CENPW: variants seen among roughly 807,000 people sequenced by gnomAD.
CENPW encodes cancer-up-regulated gene 2 protein.
A neutral mutation model predicts 11.1 loss-of-function variants in CENPW; 3 were observed. The observed-to-expected ratio is 0.27, with a 90% confidence interval of 0.12 to 0.70. The LOEUF (loss-of-function observed/expected upper bound fraction) is 0.70. Ranked by LOEUF, CENPW falls within the 30% of genes least tolerant of loss-of-function variation. The pLI is 0.77. For synonymous variants in CENPW, 38 were observed against 42.0 expected, an observed-to-expected ratio of 0.91 and a Z score of 0.37; for missense variants, 100 against 105.6, an observed-to-expected ratio of 0.95 and a Z score of 0.23.
At chr6:126,467,374 C>A in the CENPW span, among the ~76,000 whole-genome samples, 1 of 152,064 alleles carries the variant, frequency 6.6e-6, no homozygotes, top group African/African-American at 2.4e-5. Context: ...ACAAAGCTAA[C>A]AAAATCAAGC....
the CENPW span, among the ~76,000 whole-genome samples, chr6:126,412,764 T>A: frequency 6.6e-6 from 1 of 152,186 alleles, no homozygotes; most frequent in African/African-American, 2.4e-5. Context: ...AAATTCTTTT[T>A]TCCTACCTTT....
At chr6:126,451,097 A>G in the CENPW span, among the ~76,000 whole-genome samples, 1 of 151,030 alleles carries the variant, frequency 6.6e-6, no homozygotes, top group Non-Finnish European at 1.5e-5. Flanking sequence ...TTAAGGGAAT[A>G]GTGCACCAAC....
the CENPW span, among the ~76,000 whole-genome samples, chr6:126,465,335 G>C: frequency 6.6e-6 from 1 of 151,926 alleles, no homozygotes; most frequent in Non-Finnish European, 1.5e-5. Context: ...TGAATCACCT[G>C]TACCTTTGAA....
At chr6:126,421,650 A>AT in the CENPW span, among the ~76,000 whole-genome samples, 16 of 148,068 alleles carry the variant, frequency 1.1e-4, no homozygotes, top group African/African-American at 3.5e-4. Flanking sequence ...AATTACTTCC[A>AT]TTTTTTCCCC....
chr6:126,348,831 T>A lies in CENPW; in HGVS notation c.*339T>A, dbSNP rs138868583. The stretch of plus-strand genomic sequence containing the variant: ...TCTTAGAATTAAGTTTATATATATT[T>A]AGATTTAGCCACAGTTAACTATGGA... On this transcript the variant is annotated 3_prime_UTR_variant, in exon 3 of 3. Transcript: ENST00000368328. 9.1e-3 allele frequency: 1,519 copies of A among 166,426 alleles called. 17 individuals carry two copies. The highest frequency in any genetic ancestry group is 0.037 in the South Asian group (194 of 5,282). 10.3% of individuals were successfully genotyped at this position (166,426 alleles called of 1,614,324 possible). A position where few individuals can be genotyped will look rare whatever the true frequency, so the allele number is the denominator to read the frequency against.
At chr6:126,478,491 G>C in the CENPW span, among the ~76,000 whole-genome samples, 247 of 151,868 alleles carry the variant, frequency 1.6e-3, no homozygotes, top group African/African-American at 5.5e-3. Flanking sequence ...CCAACACATA[G>C]AGAAAGCTGA....
the CENPW span, among the ~76,000 whole-genome samples, chr6:126,381,683 G>A: frequency 6.6e-6 from 1 of 152,162 alleles, no homozygotes; most frequent in African/African-American, 2.4e-5. Flanking sequence ...CTGCTGACAC[G>A]TGAATAAATA....
chr6:126,447,861 A>C, the CENPW span, among the ~76,000 whole-genome samples: 1 of 151,176 alleles, frequency 6.6e-6, no homozygotes, highest in Non-Finnish European at 1.5e-5. Context: ...TCCTGTTCCT[A>C]TGTGTTTACA....
At chr6:126,452,535 G>T in the CENPW span, among the ~76,000 whole-genome samples, 3 of 151,000 alleles carry the variant, frequency 2.0e-5, no homozygotes, top group Non-Finnish European at 3.0e-5. Flanking sequence ...AAAGATGACA[G>T]ATGAGAGTAA....
At chr6:126,340,525 C>T in intron 1 of CENPW, 126 bp downstream of exon 1, 1 of 1,368,134 alleles carries the variant, frequency 7.3e-7, no homozygotes. Flanking sequence ...TAAGGCAGTT[C>T]CAACAATGAC....
At chr6:126,397,689 A>G in the CENPW span, among the ~76,000 whole-genome samples, 1 of 152,170 alleles carries the variant, frequency 6.6e-6, no homozygotes, top group East Asian at 1.9e-4. Context: ...ACAAATACAC[A>G]CATGCTTATA....
rs370029661 is a variant in CENPW, at chr6:126,348,258, A to G, written c.241-208A>G. ...TAGAATCTAGGCATGTTTCATATTCATTGAGATAAGACTGTTTTTAGAGAA... is the reference window on the plus strand; with the variant it reads ...TAGAATCTAGGCATGTTTCATATTCGTTGAGATAAGACTGTTTTTAGAGAA... On this transcript the variant is annotated intron_variant, in intron 2 of 2. Transcript: ENST00000368328. Among the ~76,000 whole-genome samples, 85 of 152,108 alleles carry G rather than the reference A, an allele frequency of 5.6e-4. 1 individual carries two copies. In the East Asian group the frequency reaches 0.011, roughly 20 times the overall value.
chr6:126,461,648 G>A, the CENPW span, among the ~76,000 whole-genome samples: 17 of 151,692 alleles, frequency 1.1e-4, no homozygotes, highest in Admixed American at 4.6e-4. Context: ...TACATAATAC[G>A]TTCCAGTGTC....
At chr6:126,391,749 T>C in the CENPW span, among the ~76,000 whole-genome samples, 2 of 151,980 alleles carry the variant, frequency 1.3e-5, no homozygotes, top group African/African-American at 4.8e-5. Flanking sequence ...AGTGTATGTT[T>C]TTGGCACCTT....
At chr6:126,472,077 T>C in the CENPW span, among the ~76,000 whole-genome samples, 1 of 152,330 alleles carries the variant, frequency 6.6e-6, no homozygotes, top group Admixed American at 6.5e-5. Context: ...GAACCTATCA[T>C]AAAGCTTCAA....
the CENPW span, among the ~76,000 whole-genome samples, chr6:126,368,637 T>C: frequency 1.3e-5 from 2 of 151,456 alleles, no homozygotes; most frequent in Non-Finnish European, 2.9e-5. Flanking sequence ...GTGTACACCA[T>C]ACCCAATGTG....
At chr6:126,411,510 A>T in the CENPW span, among the ~76,000 whole-genome samples, 1 of 151,918 alleles carries the variant, frequency 6.6e-6, no homozygotes, top group African/African-American at 2.4e-5. Context: ...TGTTTCTTGA[A>T]CCTATTGTGG....
chr6:126,472,949 C>A, the CENPW span, among the ~76,000 whole-genome samples: 7 of 152,176 alleles, frequency 4.6e-5, no homozygotes, highest in South Asian at 2.1e-4. Context: ...ATGCTAATGG[C>A]AAATAAACAC....
chr6:126,381,059 C>T, the CENPW span, among the ~76,000 whole-genome samples: 5 of 152,246 alleles, frequency 3.3e-5, no homozygotes, highest in South Asian at 1.0e-3. Context: ...TCCACCATTC[C>T]CCAGGTGATG....
Sources: gnomAD v4.1 joint callset for allele counts (sites outside exome capture counted in the v4.1 genomes callset) on GRCh38, gnomAD v4.1.1 for gene constraint, MANE v1.5 for transcripts, NCBI Gene and HGNC (gene_info 2026-07-23, HGNC 2026-07-21) for gene names.